MYT1L: variants seen among roughly 807,000 people sequenced by gnomAD.
MYT1L encodes the protein myelin transcription factor 1-like protein.
In MYT1L, 12 loss-of-function variants were observed where a neutral mutation model predicts 126.7. The observed-to-expected ratio is 0.09, with a 90% CI of 0.06 to 0.15. The LOEUF (loss-of-function observed/expected upper bound fraction) is 0.15. Ranked by LOEUF, MYT1L falls within the 10% of genes least tolerant of loss-of-function variation. The pLI, the probability that MYT1L is intolerant of heterozygous loss-of-function variation, is 1.00. For missense variants in MYT1L, 979 were observed against 1,585.2 expected, an observed-to-expected ratio of 0.62 and a Z score of 6.49; for synonymous variants, 541 against 604.2, an observed-to-expected ratio of 0.90 and a Z score of 1.53.
chr2:1,837,611 C>G (rs866012642), intron 21 of MYT1L, among the ~76,000 whole-genome samples: 1 of 152,184 alleles, frequency 6.6e-6, no homozygotes, highest in Middle Eastern at 3.4e-3. Context: ...CAAACCTGGA[C>G]AGGACACCAG....
At chr2:2,003,760 A>G (rs1435386236) in intron 4 of MYT1L, among the ~76,000 whole-genome samples, 13 of 151,248 alleles carry the variant, frequency 8.6e-5, no homozygotes, top group Middle Eastern at 3.4e-3. Flanking sequence ...TCCTGTGTGG[A>G]CCCCCACTTT....
In MYT1L at chr2:1,840,800, C is replaced by T. The variant is rs1428977723; in HGVS notation, c.2818G>A (p.Ala940Thr). The change falls in exon 20 of 25, where the codon GCA becomes ACA. Residue 940 changes from alanine to threonine, a missense_variant. Physicochemically the swap from Ala to Thr is moderately conservative, Grantham distance 58. Coordinates refer to ENST00000647738, the MANE Select transcript of MYT1L (RefSeq NM_001303052.2). ...PRAKKSGIRI[A>T]QSKEDKEDQE... Reference sequence around the variant, plus strand: ...TCTTCTTTATCTTCTTTGCTCTGTGCTATCCTGATACCACTTTTCTTTGCT... The same window carrying T: ...TCTTCTTTATCTTCTTTGCTCTGTGTTATCCTGATACCACTTTTCTTTGCT... The T allele has an allele frequency of 6.4e-7, 1 of 1,551,100 alleles. No individual in the cohort carries two copies. Among genetic ancestry groups the T allele is most frequent in the Non-Finnish European group, 8.7e-7 (1 of 1,146,978 alleles).
At chr2:1,873,667 G>C (rs1315540157) in intron 18 of MYT1L, among the ~76,000 whole-genome samples, 1 of 152,218 alleles carries the variant, frequency 6.6e-6, no homozygotes, top group African/African-American at 2.4e-5. Context: ...CCCAATCCCA[G>C]ACTCAGGGTG....
intron 4 of MYT1L, among the ~76,000 whole-genome samples, chr2:2,046,694 C>T (rs943644307): frequency 6.6e-5 from 10 of 152,210 alleles, no homozygotes; most frequent in African/African-American, 2.4e-4. Flanking sequence ...CTCTTGGCTT[C>T]TGCACTGGCT....
At chr2:2,241,928 T>C (rs2094447986) in intron 2 of MYT1L, among the ~76,000 whole-genome samples, 1 of 152,114 alleles carries the variant, frequency 6.6e-6, no homozygotes, top group Non-Finnish European at 1.5e-5. Flanking sequence ...GACCCAGAGA[T>C]GGGTGTGTCT....
intron 18 of MYT1L, chr2:1,885,347 G>C (rs2048041567): frequency 6.5e-6 from 1 of 152,710 alleles, no homozygotes. Flanking sequence ...TGAGGCTACA[G>C]ACTTTACAGC....
At chr2:2,260,575 C>G (rs17039490) in intron 2 of MYT1L, among the ~76,000 whole-genome samples, 2,448 of 152,260 alleles carry the variant, frequency 0.016, 62 homozygotes, top group African/African-American at 0.056. Context: ...CCTGCTGGAG[C>G]AACTTTGAAA....
chr2:2,291,305 T>A (rs139293598), intron 1 of MYT1L, among the ~76,000 whole-genome samples: 1 of 152,222 alleles, frequency 6.6e-6, no homozygotes, highest in Non-Finnish European at 1.5e-5. Flanking sequence ...TAAATCTCTT[T>A]ATGATATAAA....
rs2032284668 is a variant in MYT1L at position 1,792,412 on chromosome 2, A to G, written c.3329T>C (p.Ile1110Thr). Residue 1110 changes from isoleucine (I) to threonine (T), a missense_variant, in exon 24 of 25, where the codon ATT becomes ACT. Ile to Thr is a moderately conservative substitution (Grantham distance 89, BLOSUM62 -1). Transcript: ENST00000647738. ...GAGGAGAGACTCGTTCTGCTGCTCA[A>G]TCACTTTGTTCTCCTCTTCGATGGT... ...LKTIEEENKVIEQQNESLLHE... is the reference protein window; with the variant it reads ...LKTIEEENKVTEQQNESLLHE... 6.2e-7 allele frequency: 1 copy of G among 1,613,650 alleles called. No homozygotes were observed. The highest frequency in any genetic ancestry group is 1.3e-5 in the African/African-American group (1 of 74,920).
intron 2 of MYT1L, among the ~76,000 whole-genome samples, chr2:2,276,197 C>T (rs1029725192): frequency 6.6e-5 from 10 of 152,022 alleles, no homozygotes; most frequent in South Asian, 4.2e-4. Context: ...AGGTAAGGTC[C>T]GTACACTGCA....
intron 1 of MYT1L, among the ~76,000 whole-genome samples, chr2:2,306,611 G>T (rs749649879): frequency 7.2e-5 from 11 of 152,078 alleles, no homozygotes; most frequent in Non-Finnish European, 1.6e-4. Context: ...ACAGATCAAA[G>T]AGAGGTGATC....
intron 4 of MYT1L, among the ~76,000 whole-genome samples, chr2:2,026,639 A>G (rs1261811021): frequency 6.6e-6 from 1 of 152,142 alleles, no homozygotes; most frequent in East Asian, 1.9e-4. Flanking sequence ...TCTGCAGGTC[A>G]AGGTTCGCTG....
At chr2:2,317,392 A>T (rs901966837) in intron 1 of MYT1L, among the ~76,000 whole-genome samples, 3 of 152,144 alleles carry the variant, frequency 2.0e-5, no homozygotes, top group African/African-American at 7.2e-5. Flanking sequence ...CCAAACACGC[A>T]GTCAGCAAGT....
chr2:1,972,230 G>C (rs1479872265), intron 8 of MYT1L, among the ~76,000 whole-genome samples: 1 of 152,178 alleles, frequency 6.6e-6, no homozygotes, highest in Admixed American at 6.5e-5. Context: ...AGAGCATTCA[G>C]CAGACACTGC....
intron 8 of MYT1L, among the ~76,000 whole-genome samples, chr2:1,975,313 A>G (rs973741680): frequency 5.2e-5 from 7 of 133,596 alleles, no homozygotes; most frequent in African/African-American, 2.3e-4. Flanking sequence ...GCTGTGGCAG[A>G]GAGGGTGACG....
At chr2:1,967,090 T>C (rs997005405) in intron 8 of MYT1L, among the ~76,000 whole-genome samples, 80 of 152,206 alleles carry the variant, frequency 5.3e-4, no homozygotes, top group African/African-American at 1.9e-3. Context: ...CAGATACTAA[T>C]AACAGGCTGT....
intron 18 of MYT1L, among the ~76,000 whole-genome samples, chr2:1,864,284 C>T (rs2045146528): frequency 6.6e-6 from 1 of 152,192 alleles, no homozygotes; most frequent in African/African-American, 2.4e-5. Context: ...GCAGACCTGG[C>T]AGGTCCGGGG....
Position 2,247,201 on chromosome 2 carries a change from C to T in MYT1L, c.-421+37203G>A, listed in dbSNP as rs540977568. Among the ~76,000 whole-genome samples, 3 of 152,170 alleles carry T rather than the reference C, an allele frequency of 2.0e-5. No individual in the cohort carries two copies. The South Asian group carries it at 6.2e-4, about 32-fold the overall frequency. On this transcript the variant is annotated intron_variant, in intron 2 of 24. Transcript: ENST00000647738. ...AATAAAGGGATAAAAAATGATATTT[C>T]ATTCAATGGAAATGAAAAAAGCAGG...
intron 18 of MYT1L, among the ~76,000 whole-genome samples, chr2:1,866,844 C>T (rs149979162): frequency 0.023 from 1,499 of 64,918 alleles, 25 homozygotes; most frequent in South Asian, 0.066. Context: ...AGAGAGAGGC[C>T]GTCAGAGAGG....
Sources: gnomAD v4.1 joint callset for allele counts (sites outside exome capture counted in the v4.1 genomes callset) on GRCh38, gnomAD v4.1.1 for gene constraint, MANE v1.5 for transcripts, NCBI Gene and HGNC (gene_info 2026-07-23, HGNC 2026-07-21) for gene names.